The following THADA variants were observed in gnomAD, a reference collection of about 807,000 sequenced individuals.
THADA encodes the protein tRNA (32-2'-O)-methyltransferase regulator THADA.
In THADA, 213 loss-of-function variants were observed where a neutral mutation model predicts 219.8. The observed-to-expected ratio is 0.97, with a 90% CI of 0.87 to 1.09. THADA has a LOEUF of 1.09. Among genes scored for constraint, THADA ranks in the 50% least tolerant of loss-of-function variants. The probability of loss-of-function intolerance (pLI) is 0.00; values close to 1 mark genes in which losing one functional copy is unlikely to be tolerated. For synonymous variants in THADA, 1,018 were observed against 828.9 expected (o/e 1.23, Z -3.92); for missense variants, 2,956 against 2,311.3 (o/e 1.28, Z -5.72).
At chr2:43,250,833 A>C (rs1051937085) in intron 36 of THADA, among the ~76,000 whole-genome samples, 1 of 152,228 alleles carries the variant, frequency 6.6e-6, no homozygotes, top group African/African-American at 2.4e-5. Flanking sequence ...TGAGGCGTTA[A>C]AGCAAAGGGA....
At chr2:43,348,651 T>C (rs1667912847) in intron 29 of THADA, among the ~76,000 whole-genome samples, 1 of 152,086 alleles carries the variant, frequency 6.6e-6, no homozygotes, top group Non-Finnish European at 1.5e-5. Context: ...GAGGCAGGGC[T>C]TGGCAACTGC....
chr2:43,466,334 C>T (rs927711310), intron 26 of THADA, among the ~76,000 whole-genome samples: 1 of 152,214 alleles, frequency 6.6e-6, no homozygotes, highest in Non-Finnish European at 1.5e-5. Flanking sequence ...ATCTGTCCTC[C>T]TGGCTCCCTT....
chr2:43,512,073 C>A (rs1195227886), intron 22 of THADA, among the ~76,000 whole-genome samples: 8 of 152,180 alleles, frequency 5.3e-5, no homozygotes, highest in African/African-American at 1.9e-4. Context: ...TGTTAATTTG[C>A]AGAATTTGAA....
intron 28 of THADA, among the ~76,000 whole-genome samples, chr2:43,403,997 A>C (rs976949732): frequency 6.6e-6 from 1 of 152,242 alleles, no homozygotes; most frequent in South Asian, 2.1e-4. Context: ...GCTGGGTGAC[A>C]CACAGCAGGC....
chr2:43,548,192 C>A (rs1254527101), intron 20 of THADA, among the ~76,000 whole-genome samples: 2 of 152,206 alleles, frequency 1.3e-5, no homozygotes, highest in East Asian at 1.9e-4. Context: ...TTTTTGTGAA[C>A]CGCGAATGCT....
At chr2:43,412,270 A>C (rs937736283) in intron 28 of THADA, among the ~76,000 whole-genome samples, 6 of 152,158 alleles carry the variant, frequency 3.9e-5, no homozygotes, top group Non-Finnish European at 5.9e-5. Flanking sequence ...AATACTACTA[A>C]TAATAAAGTC....
chr2:43,512,659 C>G (rs562646855), intron 22 of THADA, among the ~76,000 whole-genome samples: 1 of 152,206 alleles, frequency 6.6e-6, no homozygotes, highest in Non-Finnish European at 1.5e-5. Context: ...TGGGCCACCA[C>G]GCCCAGCTAA....
chr2:43,265,278 C>T (rs548029949), intron 36 of THADA, among the ~76,000 whole-genome samples: 30 of 152,156 alleles, frequency 2.0e-4, no homozygotes, highest in Middle Eastern at 3.4e-3. Context: ...TCGTGGGTGC[C>T]GAGCCAACAT....
chr2:43,357,923 T>G (rs1466854018), intron 29 of THADA, among the ~76,000 whole-genome samples: 4 of 152,172 alleles, frequency 2.6e-5, no homozygotes, highest in Non-Finnish European at 1.5e-5. Flanking sequence ...GTTTTGAAAT[T>G]GTAGACTCAT....
At chr2:43,345,305 CAG>C (rs1558615651) in intron 29 of THADA, among the ~76,000 whole-genome samples, 1 of 152,174 alleles carries the variant, frequency 6.6e-6, no homozygotes, top group African/African-American at 2.4e-5. Flanking sequence ...AAAATCAATC[CAG>C]AGTCATCAGA....
rs1020790956 is a variant in THADA at position 43,520,721 on chromosome 2, C to T, written c.3374+7158G>A. On this transcript the variant is annotated intron_variant, in intron 22 of 37. Coordinates refer to ENST00000405975, the MANE Select transcript of THADA (RefSeq NM_022065.5). ...TTATACGTATATATATATACACACA[C>T]ACACACACACACACACACACACATA... Among the ~76,000 whole-genome samples, 160 of 132,438 alleles carry T rather than the reference C, an allele frequency of 1.2e-3. 1 individual carries two copies. The highest frequency in any genetic ancestry group is 3.5e-3 in the African/African-American group (128 of 37,062). The allele number at this position is 132,438 out of a possible 152,430, so 86.9% of individuals were successfully genotyped here.
rs182856907 is a variant in THADA, at chr2:43,384,896, T to C, written c.4227+13075A>G. ...GGCTCACGCCTGTAATTCCAGCACT[T>C]TGGGAGGCCGAAGACATGCAGATCA... On this transcript the variant is annotated intron_variant, in intron 29 of 37. Coordinates refer to ENST00000405975, the MANE Select transcript of THADA (RefSeq NM_022065.5). 6.6e-5 allele frequency among the ~76,000 whole-genome samples: 10 copies of C among 152,280 alleles called. No homozygotes were observed. In the South Asian group the frequency reaches 1.0e-3, roughly 16 times the overall value.
intron 28 of THADA, among the ~76,000 whole-genome samples, chr2:43,421,311 A>T (rs1677690911): frequency 6.6e-6 from 1 of 152,134 alleles, no homozygotes; most frequent in Non-Finnish European, 1.5e-5. Flanking sequence ...CTGTTAGCAG[A>T]TTAGGATGGC....
intron 26 of THADA, among the ~76,000 whole-genome samples, chr2:43,458,583 A>G (rs1683281966): frequency 6.6e-6 from 1 of 152,240 alleles, no homozygotes; most frequent in Admixed American, 6.5e-5. Flanking sequence ...AATTCTATTC[A>G]CTTTTTTCAA....
At chr2:43,385,262 C>T (rs1213472362) in intron 29 of THADA, among the ~76,000 whole-genome samples, 1 of 152,072 alleles carries the variant, frequency 6.6e-6, no homozygotes, top group Non-Finnish European at 1.5e-5. Flanking sequence ...ACTGAAACTG[C>T]ATTTCAGAAA....
chr2:43,274,782 A>G (rs1672523263), intron 36 of THADA, among the ~76,000 whole-genome samples: 1 of 152,096 alleles, frequency 6.6e-6, no homozygotes, highest in Non-Finnish European at 1.5e-5. Context: ...AAAAAGAGCC[A>G]CAGCCGATCT....
intron 7 of THADA, among the ~76,000 whole-genome samples, chr2:43,582,546 A>G (rs1700570538): frequency 6.9e-6 from 1 of 145,668 alleles, no homozygotes; most frequent in Non-Finnish European, 1.5e-5. Context: ...CTCTCTCAAC[A>G]TTGATATATT....
intron 30 of THADA, among the ~76,000 whole-genome samples, chr2:43,341,869 G>A (rs967772483): frequency 5.3e-5 from 8 of 152,174 alleles, no homozygotes; most frequent in South Asian, 2.1e-4. Flanking sequence ...GGTACTAGGC[G>A]TGGGTAAACA....
intron 36 of THADA, among the ~76,000 whole-genome samples, chr2:43,234,709 AGTGGC>A (rs1346526892): frequency 1.3e-5 from 2 of 152,228 alleles, no homozygotes; most frequent in African/African-American, 4.8e-5. Context: ...GCTGGAGTAC[AGTGGC>A]GTGATCTTGG....
Sources: allele counts gnomAD v4.1 joint callset (sites outside exome capture counted in the v4.1 genomes callset), GRCh38; gene constraint gnomAD v4.1.1; transcripts MANE v1.5; gene names NCBI Gene and HGNC (gene_info 2026-07-23, HGNC 2026-07-21).